MAPK9: variants seen among roughly 807,000 people sequenced by gnomAD.
MAPK9 encodes the protein Jun kinase.
Under a neutral mutation model 57.1 loss-of-function variants are expected in MAPK9, and 30 were observed. That is an observed-to-expected ratio of 0.53 (90% CI 0.39 to 0.71). MAPK9 has a LOEUF of 0.71. Among genes scored for constraint, MAPK9 ranks in the 30% least tolerant of loss-of-function variants. The probability of loss-of-function intolerance (pLI) is 0.00; values close to 1 mark genes in which losing one functional copy is unlikely to be tolerated. For synonymous variants in MAPK9, 155 were observed against 177.0 expected (o/e 0.88, Z 0.99); for missense variants, 362 against 521.0 (o/e 0.69, Z 2.97).
At position 180,247,439 on chromosome 5, in the gene MAPK9, G is replaced by C; in HGVS notation, c.688C>G (p.His230Asp). 1 of 1,614,122 alleles carries C rather than the reference G, an allele frequency of 6.2e-7. No homozygotes were observed. The highest frequency in any genetic ancestry group is 1.7e-5 in the Admixed American group (1 of 60,020). ...KGCVIFQGTDHIDQWNKVIEQ... is the reference protein window; with the variant it reads ...KGCVIFQGTDDIDQWNKVIEQ... ...GGGCCAAGGTCGCGGGGAAGGATAC[G>C]GTCAGTGCCTTGGAATATCACACAA... The change falls in exon 7 of 12, where the codon CAT becomes GAT. Residue 230 changes from histidine to aspartate, a missense_variant and splice_region_variant. Transcript: ENST00000452135. The surrounding 1 kb of genome is among the most constrained non-coding windows in gnomAD (Gnocchi z 4.5).
intron 11 of MAPK9, chr5:180,237,324 A>G (rs1462418429): frequency 6.6e-6 from 1 of 151,160 alleles, no homozygotes; most frequent in Non-Finnish European, 1.5e-5. Flanking sequence ...ATCCGCACAC[A>G]TGTGTGTGCA....
At position 180,280,624 on chromosome 5, in the gene MAPK9, G is replaced by T; in HGVS notation, c.-47-16C>A. Reference sequence around the variant, plus strand: ...TTTCAGATCCCTTCAAAGAAAAACAGAATGAACGTGCATTCTTACCGGAAG... The same window carrying T: ...TTTCAGATCCCTTCAAAGAAAAACATAATGAACGTGCATTCTTACCGGAAG... On this transcript the variant is annotated splice_polypyrimidine_tract_variant and intron_variant, in intron 1 of 11. Transcript: ENST00000452135. 6.3e-7 allele frequency: 1 copy of T among 1,581,272 alleles called. No homozygotes were observed.
chr5:180,249,968 T>C lies in MAPK9; in HGVS notation c.451-830A>G, dbSNP rs115145584. Among the ~76,000 whole-genome samples the C allele has an allele frequency of 2.3e-3, 350 of 152,296 alleles. 4 individuals are homozygous for C. The highest frequency in any genetic ancestry group is 8.2e-3 in the African/African-American group (341 of 41,572). ...GGTCTAGAATCGTCTGATCCTGGAA[T>C]CTTCCCATGGCTCTTTCTCTCCTTG... On this transcript the variant is annotated intron_variant, in intron 5 of 11. Transcript: ENST00000452135.
rs924245290 is a variant in MAPK9 at position 180,235,239 on chromosome 5, A to C, written c.*1145T>G. 1 of 152,194 alleles carries C rather than the reference A, an allele frequency of 6.6e-6. No individual in the cohort carries two copies. The highest frequency in any genetic ancestry group is 2.4e-5 in the African/African-American group (1 of 41,438). 9.4% of individuals were successfully genotyped at this position (152,194 alleles called of 1,614,324 possible). On this transcript the variant is annotated 3_prime_UTR_variant, in exon 12 of 12. Coordinates refer to ENST00000452135, the MANE Select transcript of MAPK9 (RefSeq NM_002752.5). ...CTTGTGAAAAGGAATGCCTCCCAAC[A>C]ATGGAGAGCAACAATAGCAACAGGC...
At position 180,291,332 on chromosome 5, in the gene MAPK9, G is replaced by T. The variant is rs563889781; in HGVS notation, c.-48+516C>A. Reference sequence around the variant, plus strand: ...GGGAGGCTGGGCGGGTGGGGAGGGGGTTCCTACACCACTCACACCAGCACG... The same window carrying T: ...GGGAGGCTGGGCGGGTGGGGAGGGGTTTCCTACACCACTCACACCAGCACG... On this transcript the variant is annotated intron_variant, in intron 1 of 11. Coordinates refer to ENST00000452135, the MANE Select transcript of MAPK9 (RefSeq NM_002752.5). Among the ~76,000 whole-genome samples the T allele has an allele frequency of 6.6e-5, 10 of 151,666 alleles. 1 individual carries two copies. The highest frequency in any genetic ancestry group is 1.5e-4 in the Non-Finnish European group (10 of 67,900).
intron 1 of MAPK9, among the ~76,000 whole-genome samples, chr5:180,286,215 G>A (rs199847054): frequency 3.1e-5 from 4 of 127,616 alleles, no homozygotes; most frequent in Non-Finnish European, 3.1e-5. Context: ...GCATGATCTC[G>A]GCTCACTGCA....
chr5:180,240,045 TA>T (rs35569679), intron 9 of MAPK9, 58 bp from the exon 10 acceptor site: 2 of 1,315,842 alleles, frequency 1.5e-6, no homozygotes, highest in Non-Finnish European at 1.1e-6. Flanking sequence ...AATGAGGCAC[TA>T]AAAAAGGTAA....
rs34111597 is a variant in MAPK9 at position 180,261,998 on chromosome 5, G to A, written c.312-176C>T. ...AGAATATATAAATAACAAACTTAACGTCTTACAAGTTAAAAATTAAAAAAA... is the reference window on the plus strand; with the variant it reads ...AGAATATATAAATAACAAACTTAACATCTTACAAGTTAAAAATTAAAAAAA... On this transcript the variant is annotated intron_variant, in intron 4 of 11. Transcript: ENST00000452135. 3.8e-3 allele frequency among the ~76,000 whole-genome samples: 582 copies of A among 151,588 alleles called. 5 individuals carry two copies. Among genetic ancestry groups the A allele is most frequent in the Middle Eastern group, 0.014 (4 of 292 alleles).
intron 3 of MAPK9, among the ~76,000 whole-genome samples, chr5:180,267,937 A>G (rs1005305269): frequency 3.3e-5 from 5 of 152,058 alleles, no homozygotes; most frequent in African/African-American, 7.2e-5. Flanking sequence ...ATCTCAGCTC[A>G]CTGCAAGCTC....
chr5:180,262,134 A>G (rs1427687352), intron 4 of MAPK9, among the ~76,000 whole-genome samples: 1 of 152,150 alleles, frequency 6.6e-6, no homozygotes, highest in Non-Finnish European at 1.5e-5. Flanking sequence ...ATGCTGTTAC[A>G]GGCTCATCAA....
chr5:180,238,307 ACAAT>A, intron 11 of MAPK9, 21 bp downstream of exon 11: 1 of 1,575,904 alleles, frequency 6.3e-7, no homozygotes, highest in Non-Finnish European at 8.7e-7. Flanking sequence ...AAAATATCAT[ACAAT>A]CAATTAAAGC....
intron 2 of MAPK9, among the ~76,000 whole-genome samples, chr5:180,273,700 T>C (rs961527209): frequency 6.6e-6 from 1 of 152,228 alleles, no homozygotes; most frequent in Admixed American, 6.5e-5. Context: ...AATTTCACTT[T>C]TTTCTACATG....
In MAPK9 at chr5:180,270,827, T is replaced by A. The variant is rs537709885; in HGVS notation, c.123-1418A>T. Reference sequence around the variant, plus strand: ...TCCCTCCACTGCACCCCAGCCTGGGTGACAGACTGAGACCCTGTTGCCCAG... The same window carrying A: ...TCCCTCCACTGCACCCCAGCCTGGGAGACAGACTGAGACCCTGTTGCCCAG... On this transcript the variant is annotated intron_variant, in intron 2 of 11. Transcript: ENST00000452135. 3.4e-4 allele frequency among the ~76,000 whole-genome samples: 43 copies of A among 126,100 alleles called. No individual in the cohort carries two copies. The South Asian group carries it at 9.5e-3, about 28-fold the overall frequency. 82.7% of individuals were successfully genotyped at this position (126,100 alleles called of 152,430 possible). A position where few individuals can be genotyped will look rare whatever the true frequency, so the allele number is the denominator to read the frequency against.
In MAPK9 at chr5:180,240,593, C is replaced by G. The variant is rs532136645; in HGVS notation, c.996+438G>C. Among the ~76,000 whole-genome samples, 33 of 152,362 alleles carry G rather than the reference C, an allele frequency of 2.2e-4. No homozygotes were observed. In the South Asian group the frequency reaches 6.8e-3, roughly 32 times the overall value. ...ACCAGTGCTGACACAGAAACACGCACGTGAGCACCAAACTCAGAGTGGAGC... is the reference window on the plus strand; with the variant it reads ...ACCAGTGCTGACACAGAAACACGCAGGTGAGCACCAAACTCAGAGTGGAGC... On this transcript the variant is annotated intron_variant, in intron 9 of 11. Coordinates refer to ENST00000452135, the MANE Select transcript of MAPK9 (RefSeq NM_002752.5).
rs189063483 is a variant in MAPK9, at chr5:180,249,649, T to C, written c.451-511A>G. 3.8e-4 allele frequency among the ~76,000 whole-genome samples: 58 copies of C among 152,354 alleles called. No individual in the cohort carries two copies. The East Asian group carries it at 7.3e-3, about 19-fold the overall frequency. ...CAGGGCAGTGCTGTCCCACAGACAA[T>C]GTCATATAATGCGAACGATGTGTAT... On this transcript the variant is annotated intron_variant, in intron 5 of 11. Transcript: ENST00000452135.
chr5:180,247,621 T>C lies in MAPK9; in HGVS notation c.617-111A>G, dbSNP rs1353260250. On this transcript the variant is annotated intron_variant, in intron 6 of 11. Transcript: ENST00000452135. This position sits in a 1 kb window ranked among gnomAD's most constrained non-coding sequence, Gnocchi z 4.5. Reference sequence around the variant, plus strand: ...ACACAAATATGGAAAAATAAATTGCTAGCTAAGGGTGACATTTTACACAAT... The same window carrying C: ...ACACAAATATGGAAAAATAAATTGCCAGCTAAGGGTGACATTTTACACAAT... 3 of 1,050,880 alleles carry C rather than the reference T, an allele frequency of 2.9e-6. No homozygotes were observed. Among genetic ancestry groups the C allele is most frequent in the Non-Finnish European group, 4.3e-6 (3 of 694,416 alleles). 65.1% of individuals were successfully genotyped at this position (1,050,880 alleles called of 1,614,324 possible).
intron 1 of MAPK9, among the ~76,000 whole-genome samples, chr5:180,290,276 G>A (rs1763114865): frequency 6.6e-6 from 1 of 152,158 alleles, no homozygotes; most frequent in Non-Finnish European, 1.5e-5. Flanking sequence ...AGTGGCCTAC[G>A]GTCCTTCCTT....
chr5:180,270,378 TTTAA>T (rs1188570231), intron 2 of MAPK9, among the ~76,000 whole-genome samples: 1 of 152,250 alleles, frequency 6.6e-6, no homozygotes, highest in Non-Finnish European at 1.5e-5. Flanking sequence ...GCTACCTTAC[TTTAA>T]TTCAGTTCAT....
chr5:180,265,806 T>C (rs554547607), intron 3 of MAPK9, among the ~76,000 whole-genome samples: 10 of 152,230 alleles, frequency 6.6e-5, no homozygotes, highest in Non-Finnish European at 1.2e-4. Context: ...ATTGGGGTGA[T>C]TGGTTAGCTA....
Sources: allele counts gnomAD v4.1 joint callset (sites outside exome capture counted in the v4.1 genomes callset), GRCh38; gene constraint gnomAD v4.1.1; non-coding constraint Gnocchi (gnomAD v3.1); transcripts MANE v1.5; gene names NCBI Gene and HGNC (gene_info 2026-07-23, HGNC 2026-07-21).